CNN3: variants seen among roughly 807,000 people sequenced by gnomAD.
CNN3 encodes calponin-3.
CNN3 carries 11 observed loss-of-function variants against 39.0 expected under a neutral mutation model. The ratio of observed to expected loss-of-function variants is 0.28; its 90% confidence interval spans 0.18 to 0.47. CNN3 has a LOEUF of 0.47. Ranked by LOEUF, CNN3 falls within the 20% of genes least tolerant of loss-of-function variation. CNN3 has a pLI of 0.99. For missense variants in CNN3, 266 were observed against 403.4 expected, an observed-to-expected ratio of 0.66 and a Z score of 2.92; for synonymous variants, 101 against 138.3, an observed-to-expected ratio of 0.73 and a Z score of 1.89.
intron 1 of CNN3, among the ~76,000 whole-genome samples, chr1:94,917,066 C>T (rs1054245951): frequency 2.0e-5 from 3 of 152,148 alleles, no homozygotes; most frequent in Admixed American, 1.3e-4. Flanking sequence ...GATGGAATTT[C>T]GCTCTTGTTG....
At chr1:94,925,589 GCCA>G (rs754632457) in intron 1 of CNN3, 601 of 984,376 alleles carry the variant, frequency 6.1e-4, no homozygotes, top group Non-Finnish European at 7.1e-4. Flanking sequence ...GGAGACAAGA[GCCA>G]CAACTCTCCC....
chr1:94,904,759 C>CA (rs34143466), intron 1 of CNN3, among the ~76,000 whole-genome samples: 45,356 of 149,616 alleles, frequency 0.3, 7,952 homozygotes, highest in African/African-American at 0.47. Flanking sequence ...GCCCCACTGC[C>CA]AAAAAAAAAC....
chr1:94,925,281 C>A (rs1432753550), intron 1 of CNN3, among the ~76,000 whole-genome samples: 2 of 152,194 alleles, frequency 1.3e-5, no homozygotes, highest in Non-Finnish European at 2.9e-5. Flanking sequence ...GCCAAAGTAT[C>A]ACATCACATC....
chr1:94,922,380 C>A (rs1406498741), intron 1 of CNN3, among the ~76,000 whole-genome samples: 4 of 152,156 alleles, frequency 2.6e-5, no homozygotes, highest in Non-Finnish European at 5.9e-5. Context: ...AAAATCTATT[C>A]CCGATGAATA....
chr1:94,925,933 G>A lies in CNN3; in HGVS notation c.57+905C>T, dbSNP rs748638429. 3 of 557,014 alleles carry A rather than the reference G, an allele frequency of 5.4e-6. No homozygotes were observed. In the African/African-American group the frequency reaches 6.1e-5, roughly 11 times the overall value. The allele number at this position is 557,014 out of a possible 1,614,324, so 34.5% of individuals were successfully genotyped here. ...AATGCAGGGAGGGAGGAAGGAAGGA[G>A]AGGATTTGGGGAGGGGGACGCCTCT... On this transcript the variant is annotated intron_variant, in intron 1 of 6. Transcript: ENST00000370206.
At chr1:94,908,605 A>G (rs961507089) in intron 1 of CNN3, among the ~76,000 whole-genome samples, 1 of 152,096 alleles carries the variant, frequency 6.6e-6, no homozygotes, top group Non-Finnish European at 1.5e-5. Context: ...CCATAGCGTG[A>G]TCTTGGCCCA....
rs150175880 is a variant in CNN3 at position 94,910,591 on chromosome 1, T to C, written c.58-7067A>G. ...CCCTGTCTCTCCGCAATGAATCCTATAAACATTTACTGAAGATCACACGCT... is the reference window on the plus strand; with the variant it reads ...CCCTGTCTCTCCGCAATGAATCCTACAAACATTTACTGAAGATCACACGCT... On this transcript the variant is annotated intron_variant, in intron 1 of 6. Coordinates refer to ENST00000370206, the MANE Select transcript of CNN3 (RefSeq NM_001839.5). Among the ~76,000 whole-genome samples, 599 of 152,296 alleles carry C rather than the reference T, an allele frequency of 3.9e-3. 7 individuals are homozygous for C. The highest frequency in any genetic ancestry group is 0.013 in the African/African-American group (554 of 41,558).
chr1:94,903,041 C>CA (rs996429912), intron 3 of CNN3, 81 bp downstream of exon 3: 6 of 1,116,208 alleles, frequency 5.4e-6, no homozygotes, highest in African/African-American at 3.3e-5. Context: ...AACACAAAAC[C>CA]AAAAAACCAA....
At chr1:94,911,854 G>A (rs180758262) in intron 1 of CNN3, among the ~76,000 whole-genome samples, 58 of 152,288 alleles carry the variant, frequency 3.8e-4, no homozygotes, top group South Asian at 6.2e-4. Context: ...TGGATCACCT[G>A]AGGTCAGGAG....
At chr1:94,917,431 A>C (rs1013427456) in intron 1 of CNN3, among the ~76,000 whole-genome samples, 1 of 152,186 alleles carries the variant, frequency 6.6e-6, no homozygotes, top group African/African-American at 2.4e-5. Flanking sequence ...TCTGCTGGGG[A>C]CGAGGGATGG....
At chr1:94,925,404 T>C (rs79648480) in intron 1 of CNN3, among the ~76,000 whole-genome samples, 2,659 of 152,330 alleles carry the variant, frequency 0.017, 42 homozygotes, top group Admixed American at 0.026. Flanking sequence ...AGGTTTGCAC[T>C]CAATCATACA....
intron 1 of CNN3, among the ~76,000 whole-genome samples, chr1:94,922,755 G>A (rs1363109802): frequency 6.6e-6 from 1 of 152,204 alleles, no homozygotes; most frequent in Non-Finnish European, 1.5e-5. Context: ...CAAGCTAGGA[G>A]GACTTCGCGG....
intron 1 of CNN3, among the ~76,000 whole-genome samples, chr1:94,921,140 T>C (rs1671430999): frequency 6.6e-6 from 1 of 152,230 alleles, no homozygotes; most frequent in Non-Finnish European, 1.5e-5. Context: ...ACACCTGTAA[T>C]CCCAGCTCTT....
At chr1:94,898,853 T>C (rs1670790370) in intron 6 of CNN3, among the ~76,000 whole-genome samples, 1 of 152,210 alleles carries the variant, frequency 6.6e-6, no homozygotes, top group African/African-American at 2.4e-5. Context: ...ACCTGTCTGT[T>C]CTCAAATGGT....
At chr1:94,908,383 C>G (rs764089438) in intron 1 of CNN3, among the ~76,000 whole-genome samples, 2 of 152,192 alleles carry the variant, frequency 1.3e-5, no homozygotes, top group Non-Finnish European at 2.9e-5. Flanking sequence ...CGGCTTCAGC[C>G]CTTAGAGCTT....
chr1:94,913,072 A>G (rs114431553), intron 1 of CNN3, among the ~76,000 whole-genome samples: 3,962 of 152,322 alleles, frequency 0.026, 85 homozygotes, highest in South Asian at 0.048. Flanking sequence ...ACTGGGAATC[A>G]GAAGGATCTT....
At chr1:94,899,080 A>T (rs1258358203) in intron 6 of CNN3, among the ~76,000 whole-genome samples, 1 of 152,106 alleles carries the variant, frequency 6.6e-6, no homozygotes. Flanking sequence ...CATTTAAATG[A>T]GCAATATTTT....
chr1:94,908,929 G>A (rs1205240897), intron 1 of CNN3, among the ~76,000 whole-genome samples: 2 of 150,746 alleles, frequency 1.3e-5, no homozygotes, highest in African/African-American at 4.9e-5. Flanking sequence ...AGGAATCCTT[G>A]AGCCCAGGAG....
chr1:94,924,061 G>GTTAAATGAGAT (rs1403196562), intron 1 of CNN3: 5 of 152,196 alleles, frequency 3.3e-5, no homozygotes, highest in Admixed American at 6.6e-5. Flanking sequence ...GAGATGTGGG[G>GTTAAATGAGAT]GTAGATGGGG....
Sources: allele counts gnomAD v4.1 joint callset (sites outside exome capture counted in the v4.1 genomes callset), GRCh38; gene constraint gnomAD v4.1.1; transcripts MANE v1.5; gene names NCBI Gene and HGNC (gene_info 2026-07-23, HGNC 2026-07-21).